The following ARID4B variants were observed in gnomAD, a reference collection of about 807,000 sequenced individuals.
ARID4B encodes AT-rich interaction domain 4B, also known as AT-rich interactive domain-containing protein 4B.
Under a neutral mutation model 147.5 loss-of-function variants are expected in ARID4B, and 26 were observed. The observed-to-expected ratio is 0.18, with a 90% CI of 0.13 to 0.24. ARID4B has a LOEUF of 0.24. Ranked by LOEUF, ARID4B falls within the 10% of genes least tolerant of loss-of-function variation. The probability of loss-of-function intolerance (pLI) is 1.00; values close to 1 mark genes in which losing one functional copy is unlikely to be tolerated. For synonymous variants in ARID4B, 512 were observed against 507.9 expected (o/e 1.01, Z -0.11); for missense variants, 1,179 against 1,511.5 (o/e 0.78, Z 3.65).
intron 2 of ARID4B, among the ~76,000 whole-genome samples, chr1:235,312,959 C>A (rs1674169907): frequency 6.6e-6 from 1 of 150,840 alleles, no homozygotes; most frequent in African/African-American, 2.4e-5. Flanking sequence ...GGATGCACAG[C>A]AAGATTCTGC....
rs939097780 is a variant in ARID4B, at chr1:235,169,890, G to A, written c.3812-1238C>T. The stretch of plus-strand genomic sequence containing the variant: ...TTGGCCAGTCTGGTCTCGAACTCCT[G>A]ACCTCAGGTGATCTGCCTGCCTTGG... On this transcript the variant is annotated intron_variant, in intron 23 of 23. Coordinates refer to ENST00000264183, the MANE Select transcript of ARID4B (RefSeq NM_016374.6). Among the ~76,000 whole-genome samples, 4 of 152,282 alleles carry A rather than the reference G, an allele frequency of 2.6e-5. No homozygotes were observed. In the East Asian group the frequency reaches 5.8e-4, roughly 22 times the overall value.
chr1:235,309,330 TCTGAGAAGTGAGGAGCCCCTCC>T, intron 2 of ARID4B, among the ~76,000 whole-genome samples: 1 of 142,096 alleles, frequency 7.0e-6, no homozygotes, highest in Non-Finnish European at 1.5e-5. Flanking sequence ...AGCCGCCCCA[TCTGAGAAGTGAGGAGCCCCTCC>T]GCCCGGCAAC....
At chr1:235,327,227 C>T (rs1276450610) in intron 1 of ARID4B, 7 of 299,988 alleles carry the variant, frequency 2.3e-5, no homozygotes, top group Non-Finnish European at 4.4e-5. Flanking sequence ...ACAATGACGC[C>T]ATTTCTGTCA....
chr1:235,229,389 G>T lies in ARID4B; in HGVS notation c.743-4C>A, dbSNP rs1434267835. 1.3e-6 allele frequency: 2 copies of T among 1,587,848 alleles called. No homozygotes were observed. Among genetic ancestry groups the T allele is most frequent in the African/African-American group, 1.3e-5 (1 of 74,236 alleles). On this transcript the variant is annotated splice_polypyrimidine_tract_variant and splice_region_variant and intron_variant, in intron 10 of 23. Coordinates refer to ENST00000264183, the MANE Select transcript of ARID4B (RefSeq NM_016374.6). Reference sequence around the variant, plus strand: ...AATTCAAGTGCCTGTTCAAAGGCTGGAAACAGACCACAAGGTACATGAACT... The same window carrying T: ...AATTCAAGTGCCTGTTCAAAGGCTGTAAACAGACCACAAGGTACATGAACT...
chr1:235,317,767 T>C (rs1369534729), intron 2 of ARID4B, among the ~76,000 whole-genome samples: 1 of 152,194 alleles, frequency 6.6e-6, no homozygotes, highest in Non-Finnish European at 1.5e-5. Flanking sequence ...TCTACCTGTT[T>C]TGTTCCCTGA....
intron 19 of ARID4B, among the ~76,000 whole-genome samples, chr1:235,184,485 A>G (rs986542366): frequency 2.0e-5 from 3 of 152,226 alleles, no homozygotes; most frequent in Non-Finnish European, 2.9e-5. Flanking sequence ...CTACCCCCCA[A>G]GGTAGTTAAA....
intron 7 of ARID4B, among the ~76,000 whole-genome samples, chr1:235,243,077 T>G (rs532253483): frequency 6.6e-6 from 1 of 152,250 alleles, no homozygotes; most frequent in South Asian, 2.1e-4. Flanking sequence ...AGTTGAAGAT[T>G]TTTTAAGTAA....
Position 235,181,658 on chromosome 1 carries a change from G to A in ARID4B, c.3261C>T (p.Ser1087=). The A allele has an allele frequency of 6.2e-7, 1 of 1,613,990 alleles. No homozygotes were observed. Among genetic ancestry groups the A allele is most frequent in the Non-Finnish European group, 8.5e-7 (1 of 1,180,024 alleles). Residue 1087 remains serine (S), a synonymous_variant, in exon 20 of 24, where the codon AGC becomes AGT. Transcript: ENST00000264183. Reference sequence around the variant, plus strand: ...CACTGGCATCAAAACCTGCTGGCGAGCTATTCCCTTCAGACTGGAGGTCTT... The same window carrying A: ...CACTGGCATCAAAACCTGCTGGCGAACTATTCCCTTCAGACTGGAGGTCTT... ...ELQDLQSEGN[S]SPAGFDASVS...
chr1:235,210,798 C>T (rs1413424982), intron 17 of ARID4B, among the ~76,000 whole-genome samples: 4 of 152,144 alleles, frequency 2.6e-5, no homozygotes, highest in Admixed American at 6.5e-5. Flanking sequence ...ATTTTCCTCC[C>T]TATATTATTA....
intron 7 of ARID4B, among the ~76,000 whole-genome samples, chr1:235,244,936 C>T (rs748507385): frequency 7.2e-5 from 11 of 152,126 alleles, no homozygotes; most frequent in Non-Finnish European, 1.3e-4. Flanking sequence ...GTAGTACTTG[C>T]CTGTAATGCT....
At chr1:235,236,273 A>G (rs995095417) in intron 8 of ARID4B, among the ~76,000 whole-genome samples, 1 of 152,120 alleles carries the variant, frequency 6.6e-6, no homozygotes, top group Admixed American at 6.5e-5. Flanking sequence ...CAATTTTGGG[A>G]GGAGATAACA....
intron 17 of ARID4B, among the ~76,000 whole-genome samples, chr1:235,203,706 A>C (rs1041929705): frequency 6.6e-6 from 1 of 152,136 alleles, no homozygotes; most frequent in Non-Finnish European, 1.5e-5. Context: ...GTTTTTAAGA[A>C]CCTCACATCT....
chr1:235,195,959 T>C, intron 18 of ARID4B, 72 bp downstream of exon 18: 1 of 873,686 alleles, frequency 1.1e-6, no homozygotes, highest in East Asian at 2.5e-5. Context: ...CACTAACACA[T>C]ATTTAATTGC....
chr1:235,280,289 A>C (rs1355098325), intron 2 of ARID4B, among the ~76,000 whole-genome samples: 1 of 152,186 alleles, frequency 6.6e-6, no homozygotes, highest in Non-Finnish European at 1.5e-5. Context: ...ACCTTATTTG[A>C]ATCACATGCT....
intron 22 of ARID4B, 112 bp downstream of exon 22, chr1:235,175,072 A>G: frequency 3.2e-6 from 3 of 936,222 alleles, no homozygotes; most frequent in Non-Finnish European, 5.0e-6. Flanking sequence ...GCACCACCGC[A>G]CTCCAGCCTG....
At chr1:235,211,791 GA>G (rs1219242745) in intron 17 of ARID4B, among the ~76,000 whole-genome samples, 2 of 152,150 alleles carry the variant, frequency 1.3e-5, no homozygotes, top group Non-Finnish European at 2.9e-5. Flanking sequence ...ATCCTAGGCA[GA>G]AGTAGAACTC....
intron 17 of ARID4B, among the ~76,000 whole-genome samples, chr1:235,197,685 T>A (rs920806048): frequency 6.6e-6 from 1 of 152,236 alleles, no homozygotes; most frequent in South Asian, 2.1e-4. Context: ...AAAATAAGAC[T>A]ACAATTTAAA....
intron 7 of ARID4B, among the ~76,000 whole-genome samples, chr1:235,245,466 AT>A (rs1461790720): frequency 6.6e-6 from 1 of 152,144 alleles, no homozygotes; most frequent in Non-Finnish European, 1.5e-5. Context: ...AATCGTAAAA[AT>A]ATGTCTAAAT....
intron 2 of ARID4B, among the ~76,000 whole-genome samples, chr1:235,318,168 CTTTT>C (rs372816686): frequency 3.8e-4 from 43 of 111,998 alleles, no homozygotes; most frequent in Non-Finnish European, 5.6e-4. Flanking sequence ...CTTGCTACTC[CTTTT>C]TTTTTTTTTT....
Sources: gnomAD v4.1 joint callset for allele counts (sites outside exome capture counted in the v4.1 genomes callset) on GRCh38, gnomAD v4.1.1 for gene constraint, MANE v1.5 for transcripts, NCBI Gene and HGNC (gene_info 2026-07-23, HGNC 2026-07-21) for gene names.